GABRG2: variants seen among roughly 807,000 people sequenced by gnomAD.
GABRG2 encodes gamma-aminobutyric acid type A receptor subunit gamma2.
Under a neutral mutation model 56.4 loss-of-function variants are expected in GABRG2, and 16 were observed. The ratio of observed to expected loss-of-function variants is 0.28; its 90% confidence interval spans 0.19 to 0.43. GABRG2 has a LOEUF of 0.43. Ranked by LOEUF, GABRG2 falls within the 20% of genes least tolerant of loss-of-function variation. GABRG2 has a pLI of 1.00. For synonymous variants in GABRG2, 208 were observed against 205.5 expected (o/e 1.01, Z -0.10); for missense variants, 327 against 582.7 (o/e 0.56, Z 4.52).
At chr5:162,152,412 A>G (rs758597649) in intron 9 of GABRG2, 1 of 459,834 alleles carries the variant, frequency 2.2e-6, no homozygotes, top group South Asian at 1.7e-5. Flanking sequence ...GTTGCATAGA[A>G]ATTTACCAAC....
At chr5:162,076,227 ATAGT>A (rs930817391) in intron 1 of GABRG2, among the ~76,000 whole-genome samples, 3 of 152,150 alleles carry the variant, frequency 2.0e-5, no homozygotes, top group Non-Finnish European at 4.4e-5. Flanking sequence ...TAAGGGGCAC[ATAGT>A]TAGTGACCTT....
intron 1 of GABRG2, among the ~76,000 whole-genome samples, chr5:162,071,130 CAT>C (rs1346444008): frequency 6.6e-6 from 1 of 151,200 alleles, no homozygotes; most frequent in Non-Finnish European, 1.5e-5. Flanking sequence ...AAAAATAAAA[CAT>C]ATATACATAT....
At chr5:162,137,338 T>C (rs1764209759) in intron 6 of GABRG2, among the ~76,000 whole-genome samples, 1 of 152,228 alleles carries the variant, frequency 6.6e-6, no homozygotes, top group Non-Finnish European at 1.5e-5. Flanking sequence ...TCCTAAAAGT[T>C]CACATCATTG....
chr5:162,126,852 A>G (rs371629006), intron 6 of GABRG2, among the ~76,000 whole-genome samples: 1 of 151,990 alleles, frequency 6.6e-6, no homozygotes, highest in Admixed American at 6.6e-5. Flanking sequence ...GCACTTTGCA[A>G]TCTGGAACTC....
chr5:162,129,709 G>GT (rs1234554162), intron 6 of GABRG2, among the ~76,000 whole-genome samples: 2 of 151,828 alleles, frequency 1.3e-5, no homozygotes, highest in South Asian at 2.1e-4. Flanking sequence ...GAAATAACAG[G>GT]TTTTTTCTAA....
chr5:162,100,257 TATATC>T (rs1275744596), intron 4 of GABRG2: 21 of 152,172 alleles, frequency 1.4e-4, no homozygotes, highest in African/African-American at 4.3e-4. Flanking sequence ...ATTGCTCCGT[TATATC>T]ATAGAATGAT....
At chr5:162,115,348 T>G (rs1762543583) in intron 6 of GABRG2, among the ~76,000 whole-genome samples, 1 of 152,138 alleles carries the variant, frequency 6.6e-6, no homozygotes, top group Admixed American at 6.6e-5. Context: ...ATATGGTGGG[T>G]ATTTGCGTTC....
At position 162,143,175 on chromosome 5, in the gene GABRG2, A is replaced by G. The variant is rs201756943; in HGVS notation, c.922+859A>G. Among the ~76,000 whole-genome samples, 18 of 152,336 alleles carry G rather than the reference A, an allele frequency of 1.2e-4. No homozygotes were observed. In the East Asian group the frequency reaches 3.5e-3, roughly 29 times the overall value. On this transcript the variant is annotated intron_variant, in intron 7 of 9. Transcript: ENST00000639213. ...CACCCAAGGAGGAAATATTAACAAC[A>G]TGGAAACAAAAGTCAGGGCCTTCTT...
chr5:162,100,535 A>T (rs570821792), intron 4 of GABRG2: 101 of 152,300 alleles, frequency 6.6e-4, no homozygotes, highest in African/African-American at 2.4e-3. Context: ...AGACTGAGAA[A>T]ATCTGTATAC....
At chr5:162,138,293 A>G (rs1411306645) in intron 6 of GABRG2, among the ~76,000 whole-genome samples, 2 of 152,146 alleles carry the variant, frequency 1.3e-5, no homozygotes, top group East Asian at 3.9e-4. Context: ...TAATTTCAGA[A>G]AACAATTTTC....
At chr5:162,093,764 T>C (rs1463389783) in intron 1 of GABRG2, 64 bp from the exon 2 acceptor site, 4 of 1,387,176 alleles carry the variant, frequency 2.9e-6, no homozygotes, top group Non-Finnish European at 4.1e-6. Flanking sequence ...CCACTGGTGG[T>C]CTGTGGATAA....
At position 162,149,240 on chromosome 5, in the gene GABRG2, A is replaced by T; in HGVS notation, c.1055A>T (p.Glu352Val). The part of the protein sequence containing the change: ...CFIFVFSALV[E>V]YGTLHYFVSN... Reference sequence around the variant, plus strand: ...ATCTTTGTCTTCTCTGCTCTGGTGGAGTATGGCACCTTGCATTATTTTGTC... The same window carrying T: ...ATCTTTGTCTTCTCTGCTCTGGTGGTGTATGGCACCTTGCATTATTTTGTC... The change falls in exon 8 of 10, where the codon GAG becomes GTG. Residue 352 changes from glutamate to valine, a missense_variant. Around this residue, in one of 4 missense-constraint regions of GABRG2, gnomAD observed 42 missense variants for 156.9 expected, o/e 0.27. Coordinates refer to ENST00000639213, the MANE Select transcript of GABRG2 (RefSeq NM_198904.4). 6.2e-7 allele frequency: 1 copy of T among 1,614,158 alleles called. No homozygotes were observed.
intron 6 of GABRG2, among the ~76,000 whole-genome samples, chr5:162,125,277 G>A (rs1305005012): frequency 1.3e-5 from 2 of 151,308 alleles, no homozygotes; most frequent in East Asian, 2.0e-4. Context: ...TGTTTGGTGC[G>A]AGTGTTCTTT....
intron 6 of GABRG2, among the ~76,000 whole-genome samples, chr5:162,105,588 C>T (rs1249321401): frequency 6.6e-6 from 1 of 151,726 alleles, no homozygotes; most frequent in Non-Finnish European, 1.5e-5. Context: ...CACCACCACG[C>T]CTGGCTAATT....
intron 6 of GABRG2, among the ~76,000 whole-genome samples, chr5:162,115,277 T>C (rs1762537130): frequency 6.6e-6 from 1 of 152,174 alleles, no homozygotes; most frequent in South Asian, 2.1e-4. Context: ...GAAGGTTTAC[T>C]TCACTCCTGA....
At chr5:162,080,419 C>T (rs1427956524) in intron 1 of GABRG2, among the ~76,000 whole-genome samples, 1 of 152,052 alleles carries the variant, frequency 6.6e-6, no homozygotes, top group Non-Finnish European at 1.5e-5. Context: ...TCATAGGTAA[C>T]AGCAGGTACA....
chr5:162,142,576 A>T, intron 7 of GABRG2: 1 of 384,006 alleles, frequency 2.6e-6, no homozygotes, highest in South Asian at 2.1e-5. Context: ...GCCATAAAAA[A>T]TGATGAGTTC....
At chr5:162,101,179 T>C in intron 4 of GABRG2, 56 bp from the exon 5 acceptor site, 1 of 1,201,406 alleles carries the variant, frequency 8.3e-7, no homozygotes. Context: ...TTGTGCAAAT[T>C]TACAATTTAA....
intron 1 of GABRG2, among the ~76,000 whole-genome samples, chr5:162,077,154 AATC>A (rs1272516635): frequency 6.6e-6 from 1 of 150,522 alleles, no homozygotes; most frequent in East Asian, 1.9e-4. Context: ...CTTCTTTAAT[AATC>A]ATCATTCTTC....
Sources: allele counts gnomAD v4.1 joint callset (sites outside exome capture counted in the v4.1 genomes callset), GRCh38; gene constraint gnomAD v4.1.1; regional missense constraint gnomAD v4.1.1; transcripts MANE v1.5; gene names NCBI Gene and HGNC (gene_info 2026-07-23, HGNC 2026-07-21).